KIAA1549: variants seen among roughly 807,000 people sequenced by gnomAD.
KIAA1549 encodes UPF0606 protein KIAA1549.
KIAA1549 carries 70 observed loss-of-function variants against 156.4 expected under a neutral mutation model. The ratio of observed to expected loss-of-function variants is 0.45; its 90% CI spans 0.37 to 0.55. The LOEUF (loss-of-function observed/expected upper bound fraction) is 0.55. KIAA1549 is among the 20% of genes least tolerant of loss of function. KIAA1549 has a pLI of 0.00. For synonymous variants in KIAA1549, 1,103 were observed against 1,066.4 expected, an observed-to-expected ratio of 1.03 and a Z score of -0.67; for missense variants, 2,428 against 2,540.9, an observed-to-expected ratio of 0.96 and a Z score of 0.96.
chr7:138,893,498 G>A (rs1302080765), intron 10 of KIAA1549, among the ~76,000 whole-genome samples: 2 of 152,184 alleles, frequency 1.3e-5, no homozygotes, highest in Non-Finnish European at 2.9e-5. Flanking sequence ...TTGTAAGAAA[G>A]ACCAAACACA....
intron 1 of KIAA1549, among the ~76,000 whole-genome samples, chr7:138,925,236 C>T (rs758508028): frequency 3.3e-5 from 5 of 152,120 alleles, no homozygotes; most frequent in Non-Finnish European, 5.9e-5. Flanking sequence ...ACAAGCAAGA[C>T]GAAGTGGTAC....
At chr7:138,854,950 A>G (rs1810341557) in intron 16 of KIAA1549, among the ~76,000 whole-genome samples, 1 of 152,236 alleles carries the variant, frequency 6.6e-6, no homozygotes, top group South Asian at 2.1e-4. Flanking sequence ...GAATCACGCT[A>G]CACACTGAGA....
Position 138,946,567 on chromosome 7 carries a change from C to T in KIAA1549, c.188-27129G>A, listed in dbSNP as rs930011842. Among the ~76,000 whole-genome samples, 4 of 152,038 alleles carry T rather than the reference C, an allele frequency of 2.6e-5. No individual in the cohort carries two copies. In the South Asian group the frequency reaches 8.3e-4, roughly 32 times the overall value. Reference sequence around the variant, plus strand: ...GGCTGAGGCGGGCAGATCACTTGAGCCCAGGAGTTCAAGACCAGCCTGAGC... The same window carrying T: ...GGCTGAGGCGGGCAGATCACTTGAGTCCAGGAGTTCAAGACCAGCCTGAGC... On this transcript the variant is annotated intron_variant, in intron 1 of 19. Transcript: ENST00000422774.
intron 1 of KIAA1549, among the ~76,000 whole-genome samples, chr7:138,969,778 G>A (rs61508272): frequency 0.16 from 25,011 of 151,880 alleles, 2,664 homozygotes; most frequent in African/African-American, 0.3. Flanking sequence ...TTTTTAATAG[G>A]GACGGGGTTT....
intron 15 of KIAA1549, among the ~76,000 whole-genome samples, chr7:138,862,726 T>C (rs1211525220): frequency 6.6e-6 from 1 of 151,752 alleles, no homozygotes; most frequent in Non-Finnish European, 1.5e-5. Flanking sequence ...AGGTCAGGAG[T>C]TCGAGACCAG....
intron 10 of KIAA1549, among the ~76,000 whole-genome samples, chr7:138,882,772 G>A (rs1187364450): frequency 6.6e-6 from 1 of 152,016 alleles, no homozygotes; most frequent in Non-Finnish European, 1.5e-5. Flanking sequence ...AAGAAGTAAT[G>A]GGGCACAAAA....
chr7:138,964,731 G>A (rs1813963341), intron 1 of KIAA1549, among the ~76,000 whole-genome samples: 1 of 152,218 alleles, frequency 6.6e-6, no homozygotes. Flanking sequence ...GTCACAGCCT[G>A]TATTATGGAG....
chr7:138,839,845 T>C (rs1393225778), intron 19 of KIAA1549, among the ~76,000 whole-genome samples: 1 of 129,144 alleles, frequency 7.7e-6, no homozygotes, highest in African/African-American at 2.9e-5. Flanking sequence ...TGGAGTGCAG[T>C]GGCACGATCT....
In KIAA1549 at chr7:138,918,120, C is replaced by T. The variant is rs1418307367; in HGVS notation, c.1506G>A (p.Glu502=). The T allele has an allele frequency of 6.2e-7, 1 of 1,613,968 alleles. No individual in the cohort carries two copies. Residue 502 remains glutamate, a synonymous_variant, in exon 2 of 20, where the codon GAG becomes GAA. Transcript: ENST00000422774. The surrounding 1 kb of genome is among the most constrained non-coding windows in gnomAD (Gnocchi z 4.2). ...PLSSRSMEIS[E]TSVGISAEVD... ...CCTCGGCAGAAATGCCAACACTCGT[C>T]TCTGAGATTTCCATGGATCTAGAAG...
chr7:138,851,723 C>T (rs769332055), intron 17 of KIAA1549, among the ~76,000 whole-genome samples: 1 of 152,212 alleles, frequency 6.6e-6, no homozygotes, highest in Non-Finnish European at 1.5e-5. Context: ...GACTGATCTA[C>T]TTATGATTCA....
In KIAA1549 at chr7:138,897,815, C is replaced by T. The variant is rs142974146; in HGVS notation, c.3847+1140G>A. 2.2e-3 allele frequency among the ~76,000 whole-genome samples: 316 copies of T among 146,820 alleles called. 2 individuals are homozygous for T. The highest frequency in any genetic ancestry group is 2.6e-3 in the Non-Finnish European group (175 of 67,360). ...GGCTGAGGCAGGAGGATCACCTGAG[C>T]CCAGGAGTTTGAGGCTGCAGTGAGC... On this transcript the variant is annotated intron_variant, in intron 9 of 19. Coordinates refer to ENST00000422774, the MANE Select transcript of KIAA1549 (RefSeq NM_001164665.2).
rs77895953 is a variant in KIAA1549 at position 138,919,473 on chromosome 7, C to A, written c.188-35G>T. On this transcript the variant is annotated intron_variant, in intron 1 of 19. Transcript: ENST00000422774. ...AAATCAGAGCTGGGTTAGTGCAATG[C>A]ATTGGAAGTCACACAGCTAACGTTT... 3,415 of 1,581,272 alleles carry A rather than the reference C, an allele frequency of 2.2e-3. 84 individuals are homozygous for A. In the African/African-American group the frequency reaches 0.041, roughly 19 times the overall value.
chr7:138,943,528 T>A (rs1342042666), intron 1 of KIAA1549, among the ~76,000 whole-genome samples: 1 of 152,232 alleles, frequency 6.6e-6, no homozygotes, highest in Non-Finnish European at 1.5e-5. Context: ...ATATACATTG[T>A]GGCATGGCTA....
At chr7:138,915,619 G>C (rs1430517823) in intron 2 of KIAA1549, among the ~76,000 whole-genome samples, 1 of 151,758 alleles carries the variant, frequency 6.6e-6, no homozygotes, top group Non-Finnish European at 1.5e-5. Flanking sequence ...GAGAGGAAAA[G>C]ACCCAGCGTG....
rs752892934 is a variant in KIAA1549 at position 138,918,602 on chromosome 7, A to G, written c.1024T>C (p.Tyr342His). The G allele has an allele frequency of 6.2e-7, 1 of 1,613,950 alleles. No homozygotes were observed. The highest frequency in any genetic ancestry group is 8.5e-7 in the Non-Finnish European group (1 of 1,179,872). ...SLEETISPRT[Y>H]PTVTASHAAL... ...GCGTGCGATGCAGTCACAGTGGGGT[A>G]TGTTCTTGGAGAGATGGTTTCTTCT... Residue 342 changes from tyrosine to histidine, a missense_variant, in exon 2 of 20, where the codon TAC becomes CAC. By Grantham distance (83) the Tyr-to-His change is moderately conservative. Transcript: ENST00000422774. The surrounding 1 kb of genome is among the most constrained non-coding windows in gnomAD (Gnocchi z 4.2).
intron 8 of KIAA1549, 168 bp from the exon 9 acceptor site, chr7:138,899,300 G>C (rs1285935842): frequency 4.5e-6 from 3 of 662,218 alleles, no homozygotes; most frequent in East Asian, 2.6e-5. Context: ...CTGTTGATGG[G>C]AAGAGGGACA....
chr7:138,972,245 C>G (rs1353886648), intron 1 of KIAA1549, among the ~76,000 whole-genome samples: 1 of 152,180 alleles, frequency 6.6e-6, no homozygotes, highest in Non-Finnish European at 1.5e-5. Context: ...AAGCCTTCCT[C>G]CATGTTCCAC....
chr7:138,841,871 C>T (rs547829760), intron 18 of KIAA1549, among the ~76,000 whole-genome samples: 16 of 147,942 alleles, frequency 1.1e-4, no homozygotes, highest in Non-Finnish European at 2.1e-4. Context: ...TGACCGACAA[C>T]CTCAATTAAT....
chr7:138,968,870 A>C (rs1163608225), intron 1 of KIAA1549, among the ~76,000 whole-genome samples: 28 of 151,878 alleles, frequency 1.8e-4, no homozygotes, highest in Non-Finnish European at 4.4e-5. Flanking sequence ...AAAAAAAAAA[A>C]AAAAAAAAAA....
Sources: allele counts gnomAD v4.1 joint callset (sites outside exome capture counted in the v4.1 genomes callset), GRCh38; gene constraint gnomAD v4.1.1; non-coding constraint Gnocchi (gnomAD v3.1); transcripts MANE v1.5; gene names NCBI Gene and HGNC (gene_info 2026-07-23, HGNC 2026-07-21).